Variants in SLC9A9 observed in about 807,000 individuals in gnomAD.
SLC9A9 encodes the protein sodium/hydrogen exchanger 9.
Under a neutral mutation model 77.8 loss-of-function variants are expected in SLC9A9, and 62 were observed. That is an observed-to-expected ratio of 0.80 (90% CI 0.65 to 0.98). The LOEUF (loss-of-function observed/expected upper bound fraction) is 0.98, where lower values mean the gene tolerates loss of function less well. Among genes scored for constraint, SLC9A9 ranks in the 50% least tolerant of loss-of-function variants. The pLI is 0.00. For synonymous variants in SLC9A9, 320 were observed against 283.5 expected (o/e 1.13, Z -1.29); for missense variants, 775 against 774.9 (o/e 1.00, Z 0.00).
intron 12 of SLC9A9, among the ~76,000 whole-genome samples, chr3:143,450,211 A>C (rs1012909314): frequency 7.3e-6 from 1 of 137,042 alleles, no homozygotes; most frequent in African/African-American, 2.7e-5. Context: ...TATATAAATA[A>C]TAAGATAAAT....
At chr3:143,781,998 C>T (rs532463399) in intron 4 of SLC9A9, among the ~76,000 whole-genome samples, 206 of 152,302 alleles carry the variant, frequency 1.4e-3, no homozygotes, top group Non-Finnish European at 2.4e-3. Context: ...ACACTGGAAG[C>T]GCTAAAATCC....
intron 4 of SLC9A9, among the ~76,000 whole-genome samples, chr3:143,708,373 C>A (rs963837671): frequency 6.6e-6 from 1 of 152,154 alleles, no homozygotes; most frequent in Non-Finnish European, 1.5e-5. Context: ...ACTAAAGGCA[C>A]CATGTACCTC....
In SLC9A9 at chr3:143,828,744, G is replaced by GT. The variant is rs566835934; in HGVS notation, c.378+3274dup. Reference sequence around the variant, plus strand: ...CCATTTTAGGTGAAAGGAATGACAGGTACAGAGGTCCTGAAGAAAAAAGTT... The same window carrying GT: ...CCATTTTAGGTGAAAGGAATGACAGGTTACAGAGGTCCTGAAGAAAAAAGTT... On this transcript the variant is annotated intron_variant, in intron 2 of 15. Coordinates refer to ENST00000316549, the MANE Select transcript of SLC9A9 (RefSeq NM_173653.4). 3.5e-4 allele frequency among the ~76,000 whole-genome samples: 53 copies of GT among 152,250 alleles called. No individual in the cohort carries two copies. The East Asian group carries it at 5.2e-3, about 15-fold the overall frequency.
At chr3:143,713,521 C>A (rs1289234181) in intron 4 of SLC9A9, among the ~76,000 whole-genome samples, 2 of 152,140 alleles carry the variant, frequency 1.3e-5, no homozygotes, top group Non-Finnish European at 1.5e-5. Context: ...GTGGATATTA[C>A]AAAGAGTCAG....
intron 4 of SLC9A9, among the ~76,000 whole-genome samples, chr3:143,723,569 G>A (rs1297262418): frequency 1.3e-5 from 2 of 152,128 alleles, no homozygotes; most frequent in African/African-American, 2.4e-5. Context: ...TTGCCCTATC[G>A]AAAATGTGTA....
intron 2 of SLC9A9, among the ~76,000 whole-genome samples, chr3:143,822,285 C>A (rs569097549): frequency 6.6e-6 from 1 of 152,332 alleles, no homozygotes; most frequent in East Asian, 1.9e-4. Flanking sequence ...CTGCTCACTA[C>A]ACACTACCTG....
intron 2 of SLC9A9, among the ~76,000 whole-genome samples, chr3:143,800,654 C>T (rs931753225): frequency 1.3e-4 from 20 of 152,328 alleles, no homozygotes; most frequent in African/African-American, 4.8e-4. Flanking sequence ...TGCCGCAAGG[C>T]TTCAGGGACA....
chr3:143,742,480 T>C (rs1935096771), intron 4 of SLC9A9, among the ~76,000 whole-genome samples: 1 of 152,154 alleles, frequency 6.6e-6, no homozygotes, highest in Non-Finnish European at 1.5e-5. Context: ...CCCAGTCTAA[T>C]CATGAAAAAA....
Position 143,499,879 on chromosome 3 carries a change from A to G in SLC9A9, c.1090-4431T>C, listed in dbSNP as rs530627937. 2.0e-5 allele frequency among the ~76,000 whole-genome samples: 3 copies of G among 152,324 alleles called. No homozygotes were observed. The East Asian group carries it at 5.8e-4, about 29-fold the overall frequency. Reference sequence around the variant, plus strand: ...TTTTAAAATGTTGTTAATTACATTAATTGATTTTCGAATGCTAAAACAGTC... The same window carrying G: ...TTTTAAAATGTTGTTAATTACATTAGTTGATTTTCGAATGCTAAAACAGTC... On this transcript the variant is annotated intron_variant, in intron 9 of 15. Transcript: ENST00000316549.
chr3:143,736,557 G>A (rs1934945286), intron 4 of SLC9A9, among the ~76,000 whole-genome samples: 1 of 152,074 alleles, frequency 6.6e-6, no homozygotes, highest in South Asian at 2.1e-4. Context: ...AGGGCTCTGT[G>A]GAAGTAACTA....
chr3:143,830,588 G>T (rs1347953081), intron 2 of SLC9A9, among the ~76,000 whole-genome samples: 3 of 152,172 alleles, frequency 2.0e-5, no homozygotes, highest in Non-Finnish European at 4.4e-5. Context: ...CATTTGGTGG[G>T]AGGAGAGGTG....
At chr3:143,758,640 T>C (rs1261103426) in intron 4 of SLC9A9, among the ~76,000 whole-genome samples, 2 of 151,970 alleles carry the variant, frequency 1.3e-5, no homozygotes, top group Non-Finnish European at 2.9e-5. Flanking sequence ...AGAGGATAGT[T>C]AGAGATAGGT....
intron 12 of SLC9A9, among the ~76,000 whole-genome samples, chr3:143,448,432 A>G (rs2034884101): frequency 6.6e-6 from 1 of 152,168 alleles, no homozygotes; most frequent in Non-Finnish European, 1.5e-5. Flanking sequence ...GAATGAGGAA[A>G]AAGGAACATC....
chr3:143,411,049 T>C (rs2034086587), intron 12 of SLC9A9, among the ~76,000 whole-genome samples: 1 of 152,246 alleles, frequency 6.6e-6, no homozygotes. Flanking sequence ...AATAATACTT[T>C]GGCTGGATGT....
intron 4 of SLC9A9, among the ~76,000 whole-genome samples, chr3:143,744,382 A>C (rs1051530920): frequency 6.6e-6 from 1 of 152,112 alleles, no homozygotes; most frequent in African/African-American, 2.4e-5. Context: ...ACTGACTCTC[A>C]AAGAGGCTCT....
chr3:143,774,203 G>T (rs1024301873), intron 4 of SLC9A9, among the ~76,000 whole-genome samples: 1 of 152,170 alleles, frequency 6.6e-6, no homozygotes, highest in African/African-American at 2.4e-5. Context: ...AACTCAGCAA[G>T]ATATAATAAC....
chr3:143,633,187 T>C (rs1393913253), intron 6 of SLC9A9, among the ~76,000 whole-genome samples: 2 of 152,210 alleles, frequency 1.3e-5, no homozygotes, highest in Non-Finnish European at 2.9e-5. Flanking sequence ...GGATACAGCA[T>C]AAATACAACT....
chr3:143,284,910 G>T (rs1204580198), intron 14 of SLC9A9, among the ~76,000 whole-genome samples: 1 of 152,138 alleles, frequency 6.6e-6, no homozygotes, highest in East Asian at 1.9e-4. Flanking sequence ...GATACAGACA[G>T]CTCTATATGA....
intron 9 of SLC9A9, chr3:143,517,825 G>A: frequency 6.2e-7 from 1 of 1,601,046 alleles, no homozygotes; most frequent in Non-Finnish European, 8.5e-7. Flanking sequence ...CTGTGAATAA[G>A]TCAATGGCTT....
Sources: gnomAD v4.1 joint callset for allele counts (sites outside exome capture counted in the v4.1 genomes callset) on GRCh38, gnomAD v4.1.1 for gene constraint, MANE v1.5 for transcripts, NCBI Gene and HGNC (gene_info 2026-07-23, HGNC 2026-07-21) for gene names.